Variants in NAT10 observed in about 807,000 individuals in gnomAD.
NAT10 encodes the protein RNA cytidine acetyltransferase.
In NAT10, 109 loss-of-function variants were observed where a neutral mutation model predicts 132.2. That is an observed-to-expected ratio of 0.82 (90% CI 0.71 to 0.97). NAT10 has a LOEUF of 0.97. Among genes scored for constraint, NAT10 ranks in the 50% least tolerant of loss-of-function variants. The pLI is 0.00. For missense variants in NAT10, 1,184 were observed against 1,263.4 expected (o/e 0.94, Z 0.95); for synonymous variants, 479 against 478.0 (o/e 1.00, Z -0.03).
intron 8 of NAT10, among the ~76,000 whole-genome samples, chr11:34,119,340 G>A (rs1338523949): frequency 6.6e-6 from 1 of 152,252 alleles, no homozygotes; most frequent in African/African-American, 2.4e-5. Flanking sequence ...CCTTGAGAGG[G>A]AAGATAGCTG....
intron 4 of NAT10, among the ~76,000 whole-genome samples, chr11:34,113,382 G>C (rs1851728474): frequency 1.3e-5 from 2 of 152,094 alleles, no homozygotes; most frequent in Admixed American, 1.3e-4. Context: ...GTATATTCGA[G>C]GGTTTGGCCC....
intron 28 of NAT10, among the ~76,000 whole-genome samples, chr11:34,144,240 A>G (rs1469645095): frequency 6.6e-6 from 1 of 152,184 alleles, no homozygotes; most frequent in South Asian, 2.1e-4. Flanking sequence ...TTCAAGACCA[A>G]CCTGCGCAAC....
chr11:34,122,576 G>C lies in NAT10; in HGVS notation c.898G>C (p.Gly300Arg). 6.2e-7 allele frequency: 1 copy of C among 1,614,130 alleles called. No individual in the cohort carries two copies. The highest frequency in any genetic ancestry group is 8.5e-7 in the Non-Finnish European group (1 of 1,180,022). Residue 300 changes from glycine (G) to arginine (R), a missense_variant, in exon 9 of 29, where the codon GGG becomes CGG. Transcript: ENST00000257829. ...TGCAGCCCTGGGATTGGCGATTGCT[G>C]GGGCGGTGGCATTTGGGTAAGGGGA... ...KSAALGLAIA[G>R]AVAFGYSNIF...
intron 8 of NAT10, 63 bp downstream of exon 8, chr11:34,118,566 A>T: frequency 7.2e-7 from 1 of 1,384,946 alleles, no homozygotes; most frequent in Non-Finnish European, 9.9e-7. Context: ...GGAGCGTAAC[A>T]GAAGCCAAGG....
chr11:34,139,123 C>T, intron 21 of NAT10, 68 bp from the exon 22 acceptor site: 1 of 1,395,098 alleles, frequency 7.2e-7, no homozygotes, highest in Non-Finnish European at 1.0e-6. Flanking sequence ...AGTGTTTACC[C>T]TTCATCAATG....
chr11:34,146,225 T>C lies in NAT10; in HGVS notation c.*33T>C, dbSNP rs770854519. 2.7e-6 allele frequency: 4 copies of C among 1,472,110 alleles called. No individual in the cohort carries two copies. The highest frequency in any genetic ancestry group is 2.3e-5 in the East Asian group (1 of 43,108). 91.2% of individuals were successfully genotyped at this position (1,472,110 alleles called of 1,614,324 possible). On this transcript the variant is annotated 3_prime_UTR_variant, in exon 29 of 29. Transcript: ENST00000257829. Reference sequence around the variant, plus strand: ...AAACTCGGGCATCTGTGTTTGATCATGGGAAGATACTCTCACTAACTGAAC... The same window carrying C: ...AAACTCGGGCATCTGTGTTTGATCACGGGAAGATACTCTCACTAACTGAAC...
In NAT10 at chr11:34,108,210, G is replaced by A. The variant is rs1186114888; in HGVS notation, c.-15-1G>A. The stretch of plus-strand genomic sequence containing the variant: ...GCCAGTTGTATTTCTTTCTCTTTTA[G>A]TAATAATTTTTCACCATGCATCGGA... On this transcript the variant is annotated splice_acceptor_variant, in intron 1 of 28. Transcript: ENST00000257829. LOFTEE classifies it low-confidence loss of function (5UTR_SPLICE). The A allele has an allele frequency of 6.3e-7, 1 of 1,598,894 alleles. No homozygotes were observed. Among genetic ancestry groups the A allele is most frequent in the Admixed American group, 1.7e-5 (1 of 59,972 alleles).
At chr11:34,146,013 C>A in intron 28 of NAT10, 71 bp from the exon 29 acceptor site, 2 of 1,119,510 alleles carry the variant, frequency 1.8e-6, no homozygotes, top group Non-Finnish European at 1.3e-6. Context: ...CAAAGCAAAG[C>A]AAGCTTAAAG....
Position 34,123,842 on chromosome 11 carries a change from C to T in NAT10, c.995C>T (p.Ala332Val). Residue 332 changes from alanine (A) to valine (V), a missense_variant, in exon 10 of 29, where the codon GCT (alanine) becomes GTT (valine). Coordinates refer to ENST00000257829, the MANE Select transcript of NAT10 (RefSeq NM_024662.3). ...GAATTTGTATTTAAAGGATTTGATG[C>T]TCTGCAATATCAGGTAGGAAATTTG... Reference protein sequence around the residue: ...LFEFVFKGFDALQYQEHLDYE... With the variant: ...LFEFVFKGFDVLQYQEHLDYE... 1 of 1,607,622 alleles carries T rather than the reference C, an allele frequency of 6.2e-7. No individual in the cohort carries two copies. The highest frequency in any genetic ancestry group is 8.5e-7 in the Non-Finnish European group (1 of 1,174,102).
At chr11:34,136,500 A>T in intron 19 of NAT10, 142 bp from the exon 20 acceptor site, 1 of 898,640 alleles carries the variant, frequency 1.1e-6, no homozygotes, top group Non-Finnish European at 1.7e-6. Context: ...GTGTTCTCAT[A>T]GTTTGAAAAC....
chr11:34,140,330 T>A, intron 23 of NAT10, 70 bp from the exon 24 acceptor site: 1 of 1,460,658 alleles, frequency 6.8e-7, no homozygotes, highest in East Asian at 2.3e-5. Flanking sequence ...GGGTGCCGCC[T>A]GGGGGCTGTG....
rs1472063388 is a variant in NAT10, at chr11:34,141,652, G to A, written c.2713-67G>A. Reference sequence around the variant, plus strand: ...CCTTTCTATAAGACACCAAGTGTCTGGGTCACGGGTGACTGGGTCCCTGCT... The same window carrying A: ...CCTTTCTATAAGACACCAAGTGTCTAGGTCACGGGTGACTGGGTCCCTGCT... On this transcript the variant is annotated intron_variant, in intron 25 of 28. Transcript: ENST00000257829. 20 of 1,400,618 alleles carry A rather than the reference G, an allele frequency of 1.4e-5. No homozygotes were observed. In the Admixed American group the frequency reaches 2.6e-4, roughly 18 times the overall value. The allele number at this position is 1,400,618 out of a possible 1,614,324, so 86.8% of individuals were successfully genotyped here.
intron 19 of NAT10, 32 bp from the exon 20 acceptor site, chr11:34,136,610 T>A (rs778758379): frequency 6.2e-7 from 1 of 1,613,938 alleles, no homozygotes; most frequent in Admixed American, 1.7e-5. Flanking sequence ...CTCTGCTGAA[T>A]GGACTGTGTT....
intron 21 of NAT10, among the ~76,000 whole-genome samples, chr11:34,138,047 C>T (rs778137379): frequency 2.0e-4 from 30 of 152,126 alleles, no homozygotes; most frequent in Non-Finnish European, 3.5e-4. Flanking sequence ...GAAACAAGGT[C>T]GCTGGAGGGA....
intron 20 of NAT10, 99 bp from the exon 21 acceptor site, chr11:34,136,879 C>G: frequency 6.2e-7 from 1 of 1,610,446 alleles, no homozygotes. Context: ...TGCTAGCCTG[C>G]TATTTGTGGC....
rs1471730588 is a variant in NAT10 at position 34,132,223 on chromosome 11, T to G, written c.1617+2T>G. 8 of 1,608,984 alleles carry G rather than the reference T, an allele frequency of 5.0e-6. No individual in the cohort carries two copies. The highest frequency in any genetic ancestry group is 6.0e-6 in the Non-Finnish European group (7 of 1,175,316). ...CTCTACGTGGCTTCTCACTACAAGG[T>G]AACTGCAGCTAGCCCTTGTGTGAAT... is the stretch of plus-strand genomic sequence containing the variant. On this transcript the variant is annotated splice_donor_variant, in intron 15 of 28. Coordinates refer to ENST00000257829, the MANE Select transcript of NAT10 (RefSeq NM_024662.3). LOFTEE classifies it high-confidence loss of function.
intron 13 of NAT10, 28 bp downstream of exon 13, chr11:34,130,965 C>T (rs769400832): frequency 7.4e-6 from 12 of 1,612,248 alleles, no homozygotes; most frequent in East Asian, 2.2e-5. Flanking sequence ...CCGGGTCCCG[C>T]GGTTCACAGC....
chr11:34,124,537 A>C (rs1322294956), intron 11 of NAT10, 137 bp downstream of exon 11: 6 of 518,706 alleles, frequency 1.2e-5, no homozygotes, highest in Non-Finnish European at 1.6e-5. Flanking sequence ...GTTGTATGCT[A>C]AACCTGTTCC....
chr11:34,106,411 C>T (rs1318747248), intron 1 of NAT10, among the ~76,000 whole-genome samples: 2 of 151,398 alleles, frequency 1.3e-5, no homozygotes, highest in East Asian at 3.9e-4. Context: ...ACCGGTCCCT[C>T]AGTATAGCTA....
Sources: allele counts gnomAD v4.1 joint callset (sites outside exome capture counted in the v4.1 genomes callset), GRCh38; gene constraint gnomAD v4.1.1; transcripts MANE v1.5; gene names NCBI Gene and HGNC (gene_info 2026-07-23, HGNC 2026-07-21).